Variants in CAPN5 observed in about 807,000 individuals in gnomAD.
CAPN5 encodes the protein calpain 5.
A neutral mutation model predicts 73.0 loss-of-function variants in CAPN5; 54 were observed. The observed-to-expected ratio is 0.74, with a 90% confidence interval of 0.59 to 0.93. CAPN5 has a LOEUF of 0.93. Ranked by LOEUF, CAPN5 falls within the 40% of genes least tolerant of loss-of-function variation. The probability of loss-of-function intolerance (pLI) is 0.00; values close to 1 mark genes in which losing one functional copy is unlikely to be tolerated. For synonymous variants in CAPN5, 335 were observed against 356.9 expected (o/e 0.94, Z 0.69); for missense variants, 785 against 882.9 (o/e 0.89, Z 1.41).
At chr11:77,070,460 T>A (rs1949891199) in intron 1 of CAPN5, among the ~76,000 whole-genome samples, 1 of 152,238 alleles carries the variant, frequency 6.6e-6, no homozygotes, top group African/African-American at 2.4e-5. Flanking sequence ...AAGTGATTTG[T>A]TACTCATAGC....
rs1555043303 is a variant in CAPN5, at chr11:77,123,681, T to C, written c.1741-7T>C. ...CGCCCCTCCCATGATCCTCTGTCTCTTCCCAGGTCTGGAACCACCGAGTGC... is the reference window on the plus strand; with the variant it reads ...CGCCCCTCCCATGATCCTCTGTCTCCTCCCAGGTCTGGAACCACCGAGTGC... On this transcript the variant is annotated splice_polypyrimidine_tract_variant and splice_region_variant and intron_variant, in intron 12 of 12. Transcript: ENST00000648180. The C allele has an allele frequency of 1.2e-6, 2 of 1,611,620 alleles. No individual in the cohort carries two copies. The highest frequency in any genetic ancestry group is 3.3e-5 in the Admixed American group (2 of 59,876).
chr11:77,106,383 C>A (rs993526557), intron 3 of CAPN5, among the ~76,000 whole-genome samples: 1 of 151,876 alleles, frequency 6.6e-6, no homozygotes, highest in Non-Finnish European at 1.5e-5. Context: ...ACCCTCAGGA[C>A]AGCAGTAGAA....
rs1445037752 is a variant in CAPN5 at position 77,088,972 on chromosome 11, CA to C, written c.165+3922del. Among the ~76,000 whole-genome samples the C allele has an allele frequency of 5.9e-4, 90 of 152,240 alleles. 1 individual carries two copies. Among genetic ancestry groups the C allele is most frequent in the African/African-American group, 2.1e-3 (89 of 41,548 alleles). ...GGAGAAATGGTCAACCCCCAGCCCT[CA>C]GGGGTAGCCCCTGTACAGCCCAATC... is the stretch of plus-strand genomic sequence containing the variant. On this transcript the variant is annotated intron_variant, in intron 2 of 12. Transcript: ENST00000648180.
chr11:77,110,426 C>G (rs11237092), intron 3 of CAPN5, among the ~76,000 whole-genome samples: 1 of 152,032 alleles, frequency 6.6e-6, no homozygotes, highest in East Asian at 1.9e-4. Context: ...GGCATTTTTA[C>G]TTAGAAAGGG....
At chr11:77,094,702 G>C (rs1038566546) in intron 3 of CAPN5, among the ~76,000 whole-genome samples, 6 of 152,222 alleles carry the variant, frequency 3.9e-5, no homozygotes, top group Admixed American at 3.3e-4. Context: ...TAGCTTTGGA[G>C]CTGGCCTCAG....
At chr11:77,112,898 A>G (rs1950426705) in intron 4 of CAPN5, 101 bp downstream of exon 4, 2 of 1,133,584 alleles carry the variant, frequency 1.8e-6, no homozygotes, top group African/African-American at 1.5e-5. Flanking sequence ...AGGCACAGAG[A>G]AGTGAGGGGC....
intron 2 of CAPN5, among the ~76,000 whole-genome samples, chr11:77,091,360 G>A (rs1950147136): frequency 6.6e-6 from 1 of 152,218 alleles, no homozygotes; most frequent in African/African-American, 2.4e-5. Context: ...TAGGACCGCA[G>A]AAGCTCTTGG....
At position 77,125,414 on chromosome 11, in the gene CAPN5, CG is replaced by C. The variant is rs1414485410; in HGVS notation, c.*1547del. On this transcript the variant is annotated 3_prime_UTR_variant, in exon 13 of 13. Coordinates refer to ENST00000648180, the MANE Select transcript of CAPN5 (RefSeq NM_004055.5). ...GATAAGAGTGTTCTTTCTTGAAAGCCGGGACTTCCCCTCAAGAACCTGGGCC... is the reference window on the plus strand; with the variant it reads ...GATAAGAGTGTTCTTTCTTGAAAGCCGGACTTCCCCTCAAGAACCTGGGCC... 6.6e-6 allele frequency: 1 copy of C among 152,376 alleles called. No individual in the cohort carries two copies. The highest frequency in any genetic ancestry group is 6.5e-5 in the Admixed American group (1 of 15,274). 9.4% of individuals were successfully genotyped at this position (152,376 alleles called of 1,614,324 possible). A position where few individuals can be genotyped will look rare whatever the true frequency, so the allele number is the denominator to read the frequency against.
At chr11:77,080,557 C>T (rs1950017618) in intron 1 of CAPN5, among the ~76,000 whole-genome samples, 2 of 152,188 alleles carry the variant, frequency 1.3e-5, no homozygotes, top group Non-Finnish European at 2.9e-5. Flanking sequence ...GGAAGGCTCA[C>T]AGGTATCAGC....
At chr11:77,070,838 T>C (rs1268362301) in intron 1 of CAPN5, among the ~76,000 whole-genome samples, 4 of 152,136 alleles carry the variant, frequency 2.6e-5, no homozygotes, top group Non-Finnish European at 5.9e-5. Flanking sequence ...GCATTCCTTA[T>C]GGCAACATTG....
intron 2 of CAPN5, among the ~76,000 whole-genome samples, chr11:77,088,650 T>G (rs1950117189): frequency 6.6e-6 from 1 of 152,104 alleles, no homozygotes; most frequent in African/African-American, 2.4e-5. Flanking sequence ...TCTGTGATCC[T>G]AGATTCCAGG....
At chr11:77,087,457 A>T (rs912519189) in intron 2 of CAPN5, among the ~76,000 whole-genome samples, 3 of 152,086 alleles carry the variant, frequency 2.0e-5, no homozygotes, top group Non-Finnish European at 4.4e-5. Flanking sequence ...TCCTTCTCTG[A>T]GTTGGTCCTT....
chr11:77,112,822 G>A, intron 4 of CAPN5, 25 bp downstream of exon 4: 1 of 1,610,468 alleles, frequency 6.2e-7, no homozygotes, highest in Non-Finnish European at 8.5e-7. Context: ...CAGGCAGGTG[G>A]GTGGGAGGCC....
intron 1 of CAPN5, among the ~76,000 whole-genome samples, chr11:77,070,634 C>T (rs1354452300): frequency 6.6e-6 from 1 of 152,238 alleles, no homozygotes; most frequent in Non-Finnish European, 1.5e-5. Context: ...CGTTCAAGAG[C>T]ATATTCCTTT....
At chr11:77,121,904 A>G (rs1219475989) in intron 10 of CAPN5, 30 bp from the exon 11 acceptor site, 12 of 1,299,774 alleles carry the variant, frequency 9.2e-6, no homozygotes, top group Non-Finnish European at 8.5e-6. Flanking sequence ...CTTCTCCATC[A>G]CTCCCCTCTC....
chr11:77,089,381 T>C (rs564834331), intron 2 of CAPN5, among the ~76,000 whole-genome samples: 14 of 152,298 alleles, frequency 9.2e-5, no homozygotes, highest in African/African-American at 3.4e-4. Context: ...ACAGCTCTGC[T>C]CACATGGGGG....
At chr11:77,079,149 C>CTTAGTA (rs1950003402) in intron 1 of CAPN5, among the ~76,000 whole-genome samples, 1 of 150,326 alleles carries the variant, frequency 6.7e-6, no homozygotes, top group African/African-American at 2.5e-5. Context: ...AATTATTTGC[C>CTTAGTA]TTATTATTAT....
At chr11:77,118,490 G>A in intron 8 of CAPN5, 138 bp downstream of exon 8, 1 of 676,960 alleles carries the variant, frequency 1.5e-6, no homozygotes. Flanking sequence ...TGTACAGTGG[G>A]GGTTAGATGG....
chr11:77,122,678 A>G lies in CAPN5; in HGVS notation c.1706A>G (p.Tyr569Cys). 1.2e-6 allele frequency: 2 copies of G among 1,613,856 alleles called. No homozygotes were observed. Among genetic ancestry groups the G allele is most frequent in the Non-Finnish European group, 1.7e-6 (2 of 1,179,958 alleles). The change falls in exon 12 of 13, where the codon TAC (tyrosine) becomes TGC (cysteine). Residue 569 changes from tyrosine to cysteine, a missense_variant. Tyr to Cys is a radical substitution (Grantham distance 194). Transcript: ENST00000648180. ...TPEYNVKGIFYRKKLSQPITV... is the reference protein window; with the variant it reads ...TPEYNVKGIFCRKKLSQPITV... ...GAGTACAATGTGAAAGGCATCTTCT[A>G]CCGCAAGAAGCTGAGCCAGCCCATC... is the stretch of plus-strand genomic sequence containing the variant.
Sources: allele counts gnomAD v4.1 joint callset (sites outside exome capture counted in the v4.1 genomes callset), GRCh38; gene constraint gnomAD v4.1.1; transcripts MANE v1.5; gene names NCBI Gene and HGNC (gene_info 2026-07-23, HGNC 2026-07-21).